The following BLM variants were observed in gnomAD, a reference collection of about 807,000 sequenced individuals.
The protein encoded by BLM is BLM RecQ like helicase, also known as recQ-like DNA helicase BLM.
Under a neutral mutation model 135.3 loss-of-function variants are expected in BLM, and 95 were observed. The ratio of observed to expected loss-of-function variants is 0.70; its 90% confidence interval spans 0.59 to 0.83. The LOEUF (loss-of-function observed/expected upper bound fraction) is 0.83, where lower values mean the gene tolerates loss of function less well. BLM is among the 40% of genes least tolerant of loss of function. BLM has a pLI of 0.00. For missense variants in BLM, 1,518 were observed against 1,663.9 expected (o/e 0.91, Z 1.53); for synonymous variants, 520 against 589.2 (o/e 0.88, Z 1.70).
At chr15:90,753,503 TC>T (rs1176333605) in intron 4 of BLM, among the ~76,000 whole-genome samples, 1 of 152,204 alleles carries the variant, frequency 6.6e-6, no homozygotes, top group African/African-American at 2.4e-5. Flanking sequence ...TTACCTAGAG[TC>T]TTAGCAATTA....
At position 90,769,226 on chromosome 15, in the gene BLM, A is replaced by G. The variant is rs775698338; in HGVS notation, c.2401A>G (p.Ser801Gly). The G allele has an allele frequency of 1.2e-6, 2 of 1,607,746 alleles. No homozygotes were observed. Among genetic ancestry groups the G allele is most frequent in the South Asian group, 2.2e-5 (2 of 90,936 alleles). ...TGTTATTGATGAAGCACATTGTGTC[A>G]GTCAGGTAAATACTGTTTTTTATAT... is the stretch of plus-strand genomic sequence containing the variant. ...RFVIDEAHCV[S>G]QWGHDFRQDY... The change falls in exon 11 of 22, where the codon AGT (serine) becomes GGT (glycine). Residue 801 changes from serine to glycine, a missense_variant. Around this residue, in one of 5 missense-constraint regions of BLM, gnomAD observed 626 missense variants for 681.1 expected, o/e 0.92. Transcript: ENST00000355112.
chr15:90,784,832 G>T lies in BLM; in HGVS notation c.2663-89G>T. The T allele has an allele frequency of 4.4e-6, 6 of 1,362,564 alleles. No individual in the cohort carries two copies. In the South Asian group the frequency reaches 6.3e-5, roughly 14 times the overall value. The allele number at this position is 1,362,564 out of a possible 1,614,324, so 84.4% of individuals were successfully genotyped here. A position where few individuals can be genotyped will look rare whatever the true frequency, so the allele number is the denominator to read the frequency against. On this transcript the variant is annotated intron_variant, in intron 13 of 21. Transcript: ENST00000355112. ...AGAACACTACGGGAGATCTATTTAT[G>T]GTTCATATATTTCTGAAAATGTAGT... is the stretch of plus-strand genomic sequence containing the variant.
At chr15:90,801,363 A>G (rs1316171319) in intron 17 of BLM, among the ~76,000 whole-genome samples, 2 of 152,214 alleles carry the variant, frequency 1.3e-5, no homozygotes, top group Non-Finnish European at 2.9e-5. Context: ...AAATGTTAAT[A>G]TTGATGATAT....
At chr15:90,734,723 AGAGAG>A (rs1895164853) in intron 1 of BLM, among the ~76,000 whole-genome samples, 1 of 150,162 alleles carries the variant, frequency 6.7e-6, no homozygotes, top group East Asian at 1.9e-4. Context: ...AGAGAGAGAG[AGAGAG>A]AGAGACTTTA....
At position 90,761,025 on chromosome 15, in the gene BLM, A is replaced by G. The variant is rs746571244; in HGVS notation, c.1652A>G (p.Tyr551Cys). 9 of 1,599,588 alleles carry G rather than the reference A, an allele frequency of 5.6e-6. No individual in the cohort carries two copies. The highest frequency in any genetic ancestry group is 7.7e-6 in the Non-Finnish European group (9 of 1,174,420). Residue 551 changes from tyrosine to cysteine, a missense_variant, in exon 7 of 22, where the codon TAT (tyrosine) becomes TGT (cysteine). Tyr to Cys is a radical substitution (Grantham distance 194, BLOSUM62 -2). Transcript: ENST00000355112. ...NDLERETQPS[Y>C]DIDNFDIDDF... The stretch of plus-strand genomic sequence containing the variant: ...TTAGAAAGAGAAACCCAACCTTCCT[A>G]TGATATTGATAATTTTGACATAGAT...
intron 2 of BLM, 115 bp downstream of exon 2, chr15:90,747,605 A>C: frequency 4.0e-6 from 3 of 750,960 alleles, no homozygotes; most frequent in Non-Finnish European, 7.0e-6. Context: ...AAGCTGAGAG[A>C]TTCATTGATT....
chr15:90,808,828 G>A lies in BLM; in HGVS notation c.3752-309G>A, dbSNP rs1015149194. 9 of 452,604 alleles carry A rather than the reference G, an allele frequency of 2.0e-5. No individual in the cohort carries two copies. In the East Asian group the frequency reaches 4.0e-4, roughly 20 times the overall value. 28.0% of individuals were successfully genotyped at this position (452,604 alleles called of 1,614,324 possible). A position where few individuals can be genotyped will look rare whatever the true frequency, so the allele number is the denominator to read the frequency against. ...ATGAGTACTGGCCATGGGAACAGTG[G>A]GCAAGAGCAGATCTGCTCCACTCCA... On this transcript the variant is annotated intron_variant, in intron 19 of 21. Transcript: ENST00000355112.
chr15:90,798,827 C>T (rs1292139070), intron 17 of BLM, among the ~76,000 whole-genome samples: 1 of 151,902 alleles, frequency 6.6e-6, no homozygotes, highest in African/African-American at 2.4e-5. Flanking sequence ...ACTAAAAATA[C>T]AAAAAATTAG....
At chr15:90,747,839 G>A (rs1228001812) in intron 2 of BLM, among the ~76,000 whole-genome samples, 4 of 152,124 alleles carry the variant, frequency 2.6e-5, no homozygotes, top group Non-Finnish European at 5.9e-5. Context: ...ACGGAGTCTC[G>A]CTCTGTCGCA....
At chr15:90,740,049 G>T (rs912217543) in intron 1 of BLM, among the ~76,000 whole-genome samples, 1 of 152,174 alleles carries the variant, frequency 6.6e-6, no homozygotes, top group Non-Finnish European at 1.5e-5. Flanking sequence ...ACAGGCATGA[G>T]CTACTGTGTC....
rs1896157668 is a variant in BLM at position 90,767,195 on chromosome 15, A to G, written c.2307+172A>G. On this transcript the variant is annotated intron_variant, in intron 10 of 21. Transcript: ENST00000355112. ...TAATTGCTTTGTATTCTCTCTCTGC[A>G]TATATTTTCCTGACACATTTGATTG... 2.0e-5 allele frequency among the ~76,000 whole-genome samples: 3 copies of G among 152,340 alleles called. No homozygotes were observed. In the South Asian group the frequency reaches 6.2e-4, roughly 32 times the overall value.
intron 20 of BLM, among the ~76,000 whole-genome samples, chr15:90,810,110 A>G (rs1897376211): frequency 7.0e-6 from 1 of 143,084 alleles, no homozygotes; most frequent in Non-Finnish European, 1.5e-5. Flanking sequence ...TCCAGGCTGG[A>G]GTTCAGTGGC....
Position 90,761,090 on chromosome 15 carries a change from A to G in BLM, c.1717A>G (p.Asn573Asp). The change falls in exon 7 of 22, where the codon AAT (asparagine) becomes GAT (aspartate). Residue 573 changes from asparagine to aspartate, a missense_variant. By Grantham distance (23) the Asn-to-Asp change is conservative. This residue lies in a region of BLM where 724 missense variants were observed against 756.9 expected (regional missense o/e 0.96). Transcript: ENST00000355112. ...TGATGACTGGGAAGACATAATGCAT[A>G]ATTTAGCAGCCAGCAAATCTTCCAC... is the stretch of plus-strand genomic sequence containing the variant. ...DDDDWEDIMHNLAASKSSTAA... is the reference protein window; with the variant it reads ...DDDDWEDIMHDLAASKSSTAA... The G allele has an allele frequency of 1.9e-6, 3 of 1,554,250 alleles. No individual in the cohort carries two copies. Among genetic ancestry groups the G allele is most frequent in the Non-Finnish European group, 2.6e-6 (3 of 1,155,098 alleles).
At chr15:90,740,547 G>A (rs560999338) in intron 1 of BLM, among the ~76,000 whole-genome samples, 322 of 152,260 alleles carry the variant, frequency 2.1e-3, no homozygotes, top group Non-Finnish European at 3.7e-3. Context: ...AACAATTTGT[G>A]TACAAGTATT....
At chr15:90,810,696 T>C (rs1192002497) in intron 20 of BLM, among the ~76,000 whole-genome samples, 1 of 152,238 alleles carries the variant, frequency 6.6e-6, no homozygotes, top group African/African-American at 2.4e-5. Flanking sequence ...AGTTTTTTTG[T>C]CTGTAAAGAG....
chr15:90,725,382 T>C (rs950325132), intron 1 of BLM, among the ~76,000 whole-genome samples: 1 of 152,228 alleles, frequency 6.6e-6, no homozygotes, highest in Admixed American at 6.5e-5. Context: ...ATTTTTATTT[T>C]CCAATCTGGT....
At position 90,815,020 on chromosome 15, in the gene BLM, G is replaced by A. The variant is rs1208845433; in HGVS notation, c.4077-82G>A. The stretch of plus-strand genomic sequence containing the variant: ...ACATTAGGCCCAGGGAAGTGGTATT[G>A]TAGCTCTGTGCAGGTTGAGAGGAAG... On this transcript the variant is annotated intron_variant, in intron 21 of 21. Transcript: ENST00000355112. This position sits in a 1 kb window ranked among gnomAD's most constrained non-coding sequence, Gnocchi z 4.6. 1 of 1,391,824 alleles carries A rather than the reference G, an allele frequency of 7.2e-7. No individual in the cohort carries two copies. Among genetic ancestry groups the A allele is most frequent in the African/African-American group, 1.5e-5 (1 of 66,604 alleles). 86.2% of individuals were successfully genotyped at this position (1,391,824 alleles called of 1,614,324 possible).
rs573850942 is a variant in BLM, at chr15:90,770,843, A to G, written c.2555+1257A>G. 3.3e-5 allele frequency among the ~76,000 whole-genome samples: 5 copies of G among 152,372 alleles called. No individual in the cohort carries two copies. In the East Asian group the frequency reaches 9.6e-4, roughly 29 times the overall value. ...GAACTGAAGGTTCCTTATGAAGGAT[A>G]TGAATGGGTCATGTGATTAAGATAG... On this transcript the variant is annotated intron_variant, in intron 12 of 21. Transcript: ENST00000355112.
chr15:90,758,134 C>G (rs934935389), intron 5 of BLM, among the ~76,000 whole-genome samples: 16 of 151,928 alleles, frequency 1.1e-4, no homozygotes, highest in Non-Finnish European at 1.9e-4. Context: ...CCAGCCTCAG[C>G]CTTCCAAAGT....
Sources: allele counts gnomAD v4.1 joint callset (sites outside exome capture counted in the v4.1 genomes callset), GRCh38; gene constraint gnomAD v4.1.1; regional missense constraint gnomAD v4.1.1; non-coding constraint Gnocchi (gnomAD v3.1); transcripts MANE v1.5; gene names NCBI Gene and HGNC (gene_info 2026-07-23, HGNC 2026-07-21).